Variants in KIF26B observed in about 807,000 individuals in gnomAD.
KIF26B encodes kinesin family member 26B.
A neutral mutation model predicts 151.2 loss-of-function variants in KIF26B; 63 were observed. That is an observed-to-expected ratio of 0.42 (90% CI 0.34 to 0.51). The LOEUF (loss-of-function observed/expected upper bound fraction) is 0.51. KIF26B is among the 20% of genes least tolerant of loss of function. KIF26B has a pLI of 0.07. For missense variants in KIF26B, 2,813 were observed against 2,913.6 expected, an observed-to-expected ratio of 0.97 and a Z score of 0.79; for synonymous variants, 1,357 against 1,262.1, an observed-to-expected ratio of 1.08 and a Z score of -1.59.
chr1:245,679,791 T>C (rs2044408505), intron 10 of KIF26B, among the ~76,000 whole-genome samples: 2 of 152,064 alleles, frequency 1.3e-5, no homozygotes, highest in South Asian at 4.1e-4. Flanking sequence ...CAAAGGCAAG[T>C]GTGGTCAGTG....
chr1:245,343,108 G>A (rs1419687260), intron 2 of KIF26B, among the ~76,000 whole-genome samples: 2 of 149,338 alleles, frequency 1.3e-5, no homozygotes, highest in Non-Finnish European at 3.0e-5. Flanking sequence ...AAAGAATTTA[G>A]ATTAGTGTTT....
chr1:245,173,627 G>A (rs1484912586), intron 2 of KIF26B, among the ~76,000 whole-genome samples: 1 of 152,180 alleles, frequency 6.6e-6, no homozygotes, highest in Non-Finnish European at 1.5e-5. Context: ...CTGTGGTCCT[G>A]CACTCACTGC....
intron 2 of KIF26B, among the ~76,000 whole-genome samples, chr1:245,269,883 C>T (rs187744915): frequency 1.1e-4 from 16 of 152,206 alleles, no homozygotes; most frequent in African/African-American, 3.4e-4. Context: ...GTTTTGCTAT[C>T]GTGAACAGTG....
chr1:245,497,150 TC>T (rs1660529584), intron 4 of KIF26B, among the ~76,000 whole-genome samples: 1 of 133,398 alleles, frequency 7.5e-6, no homozygotes, highest in South Asian at 2.3e-4. Context: ...TGAAACTCCA[TC>T]TCAAAAAAAA....
intron 2 of KIF26B, among the ~76,000 whole-genome samples, chr1:245,186,225 A>G (rs1254007150): frequency 6.6e-6 from 1 of 151,792 alleles, no homozygotes; most frequent in Admixed American, 6.6e-5. Flanking sequence ...TTTCCAAATA[A>G]CAGCCACATC....
chr1:245,307,807 C>G (rs1025391942), intron 2 of KIF26B, among the ~76,000 whole-genome samples: 1 of 149,472 alleles, frequency 6.7e-6, no homozygotes, highest in Non-Finnish European at 1.5e-5. Context: ...GTGGCGCGAT[C>G]TGGGCTCACT....
chr1:245,332,734 C>T (rs1001947466), intron 2 of KIF26B, among the ~76,000 whole-genome samples: 4 of 152,264 alleles, frequency 2.6e-5, no homozygotes, highest in African/African-American at 4.8e-5. Context: ...GGTTTGCTGG[C>T]GCCCAGCACT....
intron 3 of KIF26B, among the ~76,000 whole-genome samples, chr1:245,389,611 C>T (rs1673636213): frequency 6.6e-6 from 1 of 152,006 alleles, no homozygotes; most frequent in Non-Finnish European, 1.5e-5. Flanking sequence ...CCATGTTTAC[C>T]CTCTGAAAAG....
At chr1:245,423,439 T>G (rs1407438053) in intron 4 of KIF26B, among the ~76,000 whole-genome samples, 2 of 151,560 alleles carry the variant, frequency 1.3e-5, no homozygotes, top group Non-Finnish European at 2.9e-5. Flanking sequence ...GTTCCTATTC[T>G]CTGTGCTAAA....
intron 2 of KIF26B, among the ~76,000 whole-genome samples, chr1:245,164,640 T>C (rs1264256861): frequency 3.3e-5 from 5 of 152,206 alleles, no homozygotes; most frequent in African/African-American, 4.8e-5. Flanking sequence ...AGTATTTGTA[T>C]GAGTGCGTGA....
intron 10 of KIF26B, among the ~76,000 whole-genome samples, chr1:245,666,653 G>A (rs542183769): frequency 5.3e-4 from 80 of 152,232 alleles, no homozygotes; most frequent in African/African-American, 1.8e-3. Flanking sequence ...ATAGGCGGCT[G>A]CTTCCTCGGC....
intron 2 of KIF26B, among the ~76,000 whole-genome samples, chr1:245,290,633 G>A (rs1671239471): frequency 6.6e-6 from 1 of 152,250 alleles, no homozygotes; most frequent in Middle Eastern, 3.4e-3. Flanking sequence ...GGATTTGGCC[G>A]GCTTCTTTAC....
chr1:245,522,786 G>A (rs187176720), intron 4 of KIF26B, among the ~76,000 whole-genome samples: 116 of 152,272 alleles, frequency 7.6e-4, no homozygotes, highest in Admixed American at 2.4e-3. Context: ...TTGTGGTGTC[G>A]ACAGGGTCTG....
At chr1:245,347,622 T>G (rs1672480982) in intron 2 of KIF26B, among the ~76,000 whole-genome samples, 1 of 152,240 alleles carries the variant, frequency 6.6e-6, no homozygotes, top group African/African-American at 2.4e-5. Flanking sequence ...CCTGTTCCAT[T>G]TCTTTGATTA....
At chr1:245,168,784 G>T (rs1476255332) in intron 2 of KIF26B, among the ~76,000 whole-genome samples, 1 of 152,090 alleles carries the variant, frequency 6.6e-6, no homozygotes, top group African/African-American at 2.4e-5. Flanking sequence ...TGCCCCTGAC[G>T]TGGGTTTAAT....
In KIF26B at chr1:245,551,335, G is replaced by A. The variant is rs574169967; in HGVS notation, c.1350+10385G>A. On this transcript the variant is annotated intron_variant, in intron 5 of 14. Coordinates refer to ENST00000407071, the MANE Select transcript of KIF26B (RefSeq NM_018012.4). The stretch of plus-strand genomic sequence containing the variant: ...TGGGATTACAAACATGAGCCACTGC[G>A]CATGGCCTGTTTTAAACATTTTAAG... Among the ~76,000 whole-genome samples the A allele has an allele frequency of 2.3e-4, 35 of 152,266 alleles. No homozygotes were observed. The South Asian group carries it at 6.8e-3, about 30-fold the overall frequency.
intron 2 of KIF26B, among the ~76,000 whole-genome samples, chr1:245,229,334 A>AG (rs952956644): frequency 1.3e-5 from 2 of 152,098 alleles, no homozygotes; most frequent in Non-Finnish European, 2.9e-5. Context: ...CTGTATTTTT[A>AG]GGGGGGTTGC....
chr1:245,254,260 A>G (rs6692147), intron 2 of KIF26B, among the ~76,000 whole-genome samples: 32,618 of 152,052 alleles, frequency 0.21, 4,093 homozygotes, highest in African/African-American at 0.35. Context: ...CATATGTCCC[A>G]TGGATAGGGT....
intron 2 of KIF26B, among the ~76,000 whole-genome samples, chr1:245,226,835 G>A (rs10924126): frequency 0.03 from 4,633 of 152,278 alleles, 212 homozygotes; most frequent in East Asian, 0.093. Context: ...CATGATCACA[G>A]TGATGTTCAT....
Sources: allele counts gnomAD v4.1 joint callset (sites outside exome capture counted in the v4.1 genomes callset), GRCh38; gene constraint gnomAD v4.1.1; transcripts MANE v1.5; gene names NCBI Gene and HGNC (gene_info 2026-07-23, HGNC 2026-07-21).